UGT8: variants seen among roughly 807,000 people sequenced by gnomAD.
The protein encoded by UGT8 is 2-hydroxyacylsphingosine 1-beta-galactosyltransferase.
Under a neutral mutation model 40.5 loss-of-function variants are expected in UGT8, and 12 were observed. The ratio of observed to expected loss-of-function variants is 0.30; its 90% CI spans 0.19 to 0.48. The LOEUF (loss-of-function observed/expected upper bound fraction) is 0.48. Among genes scored for constraint, UGT8 ranks in the 20% least tolerant of loss-of-function variants. UGT8 has a pLI of 0.99. For synonymous variants in UGT8, 224 were observed against 240.4 expected (o/e 0.93, Z 0.63); for missense variants, 513 against 648.7 (o/e 0.79, Z 2.27).
chr4:114,647,704 C>T (rs1733661085), intron 2 of UGT8, among the ~76,000 whole-genome samples: 1 of 152,082 alleles, frequency 6.6e-6, no homozygotes, highest in Non-Finnish European at 1.5e-5. Flanking sequence ...GTAAGGACTG[C>T]TTGTATCTCC....
At chr4:114,654,258 G>A (rs953080233) in intron 2 of UGT8, among the ~76,000 whole-genome samples, 5 of 151,762 alleles carry the variant, frequency 3.3e-5, no homozygotes, top group African/African-American at 9.7e-5. Flanking sequence ...GTGACTGTTG[G>A]TTATGTTCTA....
intron 2 of UGT8, among the ~76,000 whole-genome samples, chr4:114,624,725 A>G (rs905232273): frequency 2.0e-5 from 3 of 152,204 alleles, no homozygotes; most frequent in Admixed American, 6.5e-5. Flanking sequence ...GTGATTAGAA[A>G]TATACGACCT....
intron 2 of UGT8, among the ~76,000 whole-genome samples, chr4:114,653,971 T>C (rs1189488519): frequency 6.6e-6 from 1 of 152,084 alleles, no homozygotes; most frequent in African/African-American, 2.4e-5. Flanking sequence ...ATTGATGAAA[T>C]GAATATGCAT....
Position 114,640,005 on chromosome 4 carries a change from A to G in UGT8, c.822+16303A>G, listed in dbSNP as rs1733108855. On this transcript the variant is annotated intron_variant, in intron 2 of 5. Transcript: ENST00000310836. ...TTTACTGTTAAGATCTTATAGATTG[A>G]TAGTTTCATGTAAAAATATGTTTGT... Among the ~76,000 whole-genome samples the G allele has an allele frequency of 3.3e-5, 5 of 150,504 alleles. No individual in the cohort carries two copies. In the South Asian group the frequency reaches 1.1e-3, roughly 32 times the overall value.
chr4:114,623,526 G>A lies in UGT8; in HGVS notation c.646G>A (p.Glu216Lys). Residue 216 changes from glutamate to lysine, a missense_variant, in exon 2 of 6, where the codon GAA (glutamate) becomes AAA (lysine). Glu to Lys is a moderately conservative substitution (Grantham distance 56, BLOSUM62 1). This residue lies in a region of UGT8 where 335 missense variants were observed against 444.8 expected (regional missense o/e 0.75). Coordinates refer to ENST00000310836, the MANE Select transcript of UGT8 (RefSeq NM_001128174.3). ...CAGCTTTCTGGTTCTTCCCAAATAT[G>A]AAAGGATAATGCAGAAGTACAACCT... ...GVSFLVLPKY[E>K]RIMQKYNLLP... The A allele has an allele frequency of 6.2e-7, 1 of 1,614,116 alleles. No individual in the cohort carries two copies.
intron 2 of UGT8, among the ~76,000 whole-genome samples, chr4:114,636,575 T>C (rs141011380): frequency 5.8e-4 from 89 of 152,358 alleles, no homozygotes; most frequent in African/African-American, 2.0e-3. Context: ...TTTCTTGATA[T>C]TATCCTTTCA....
chr4:114,650,456 G>A (rs1191907023), intron 2 of UGT8, among the ~76,000 whole-genome samples: 1 of 152,156 alleles, frequency 6.6e-6, no homozygotes, highest in Non-Finnish European at 1.5e-5. Context: ...CTAGCCATAA[G>A]TGGGTGTGAG....
At chr4:114,616,225 C>T (rs1294724979) in intron 1 of UGT8, among the ~76,000 whole-genome samples, 1 of 152,202 alleles carries the variant, frequency 6.6e-6, no homozygotes, top group Non-Finnish European at 1.5e-5. Context: ...AGGCAGGCCT[C>T]CTTGAGCTGC....
intron 1 of UGT8, among the ~76,000 whole-genome samples, chr4:114,617,778 G>T (rs1437657570): frequency 6.6e-6 from 1 of 152,188 alleles, no homozygotes; most frequent in Non-Finnish European, 1.5e-5. Flanking sequence ...TGGATTCAAA[G>T]GCTGACAGTA....
intron 2 of UGT8, among the ~76,000 whole-genome samples, chr4:114,640,156 G>A (rs978328679): frequency 1.3e-5 from 2 of 149,546 alleles, no homozygotes; most frequent in East Asian, 4.0e-4. Context: ...TCAGCCTCCC[G>A]AGTAGCTGGG....
Position 114,622,784 on chromosome 4 carries a change from A to G in UGT8, c.-2-95A>G, listed in dbSNP as rs1731902121. ...ATTTTTTTTTTAGACAAAGTATTAG[A>G]TCAGATATTTTTGGGGAAAAATGCT... On this transcript the variant is annotated intron_variant, in intron 1 of 5. Transcript: ENST00000310836. The G allele has an allele frequency of 1.7e-5, 19 of 1,149,700 alleles. No individual in the cohort carries two copies. In the South Asian group the frequency reaches 2.7e-4, roughly 16 times the overall value. The allele number at this position is 1,149,700 out of a possible 1,614,324, so 71.2% of individuals were successfully genotyped here.
intron 2 of UGT8, among the ~76,000 whole-genome samples, chr4:114,661,029 A>G (rs1423491039): frequency 6.6e-6 from 1 of 151,920 alleles, no homozygotes; most frequent in Non-Finnish European, 1.5e-5. Context: ...CATTGTCCCC[A>G]TTTATTCAGA....
At chr4:114,625,001 G>T (rs1053684376) in intron 2 of UGT8, among the ~76,000 whole-genome samples, 3 of 152,222 alleles carry the variant, frequency 2.0e-5, no homozygotes, top group Non-Finnish European at 1.5e-5. Context: ...CTTCCTAAAG[G>T]TAGCTAAAAT....
intron 5 of UGT8, among the ~76,000 whole-genome samples, chr4:114,672,695 C>T (rs559487352): frequency 2.0e-5 from 3 of 151,824 alleles, no homozygotes; most frequent in Admixed American, 1.3e-4. Context: ...GGGAACTTAG[C>T]GGATGGGTCA....
chr4:114,677,385 T>A lies in UGT8; in HGVS notation c.*1097T>A, dbSNP rs1285940131. ...AATGGAACATTTGCAGTTTTCCATATTGGTACCTGCTTTTTCTGGAGAGGT... is the reference window on the plus strand; with the variant it reads ...AATGGAACATTTGCAGTTTTCCATAATGGTACCTGCTTTTTCTGGAGAGGT... On this transcript the variant is annotated 3_prime_UTR_variant, in exon 6 of 6. Transcript: ENST00000310836. 1 of 152,220 alleles carries A rather than the reference T, an allele frequency of 6.6e-6. No homozygotes were observed. The highest frequency in any genetic ancestry group is 1.5e-5 in the Non-Finnish European group (1 of 68,038). The allele number at this position is 152,220 out of a possible 1,614,324, so 9.4% of individuals were successfully genotyped here. A position where few individuals can be genotyped will look rare whatever the true frequency, so the allele number is the denominator to read the frequency against.
intron 1 of UGT8, among the ~76,000 whole-genome samples, chr4:114,604,411 T>C (rs1007160154): frequency 8.6e-5 from 13 of 151,788 alleles, no homozygotes; most frequent in African/African-American, 3.1e-4. Flanking sequence ...AAAATAATTA[T>C]TAGCCTGTGT....
At chr4:114,652,911 T>C (rs1733969954) in intron 2 of UGT8, among the ~76,000 whole-genome samples, 1 of 152,040 alleles carries the variant, frequency 6.6e-6, no homozygotes, top group Admixed American at 6.6e-5. Context: ...ATTGTTTTTA[T>C]GTAAGGTAGT....
intron 5 of UGT8, among the ~76,000 whole-genome samples, chr4:114,670,430 CAAAAAAAAAAAA>C (rs70964319): frequency 1.2e-4 from 7 of 57,330 alleles, no homozygotes; most frequent in African/African-American, 4.8e-4. Context: ...GACTCTGTCT[CAAAAAAAAAAAA>C]AAAAAAAAAA....
intron 2 of UGT8, chr4:114,663,728 A>AT: frequency 2.0e-6 from 2 of 985,050 alleles, no homozygotes; most frequent in Non-Finnish European, 2.4e-6. Flanking sequence ...TTTTTCTGAG[A>AT]TTTTAAGCCT....
Sources: allele counts gnomAD v4.1 joint callset (sites outside exome capture counted in the v4.1 genomes callset), GRCh38; gene constraint gnomAD v4.1.1; regional missense constraint gnomAD v4.1.1; transcripts MANE v1.5; gene names NCBI Gene and HGNC (gene_info 2026-07-23, HGNC 2026-07-21).